SAMD12: variants seen among roughly 807,000 people sequenced by gnomAD.
SAMD12 encodes sterile alpha motif domain-containing protein 12.
Under a neutral mutation model 15.0 loss-of-function variants are expected in SAMD12, and 9 were observed. That is an observed-to-expected ratio of 0.60 (90% confidence interval 0.36 to 1.05). The LOEUF (loss-of-function observed/expected upper bound fraction) is 1.05. SAMD12 is among the 50% of genes least tolerant of loss of function. SAMD12 has a pLI of 0.01. For missense variants in SAMD12, 230 were observed against 234.2 expected (o/e 0.98, Z 0.12); for synonymous variants, 86 against 90.1 (o/e 0.96, Z 0.25).
intron 4 of SAMD12, among the ~76,000 whole-genome samples, chr8:118,305,611 G>C (rs1011893198): frequency 3.7e-4 from 57 of 152,222 alleles, no homozygotes; most frequent in African/African-American, 1.4e-3. Flanking sequence ...GTATCTGTTT[G>C]AGTCCCTGCT....
chr8:118,460,465 T>C (rs936418514), intron 2 of SAMD12, among the ~76,000 whole-genome samples: 3 of 152,054 alleles, frequency 2.0e-5, no homozygotes, highest in African/African-American at 7.2e-5. Flanking sequence ...GGAGTGAGTA[T>C]ACAGTAGAAT....
At chr8:118,597,897 A>T (rs958984971) in intron 1 of SAMD12, among the ~76,000 whole-genome samples, 1 of 152,216 alleles carries the variant, frequency 6.6e-6, no homozygotes, top group Non-Finnish European at 1.5e-5. Context: ...TGTAAGTCTT[A>T]AGAGCAGGGA....
intron 2 of SAMD12, among the ~76,000 whole-genome samples, chr8:118,546,457 G>A (rs1208627714): frequency 1.3e-5 from 2 of 152,054 alleles, no homozygotes; most frequent in Non-Finnish European, 2.9e-5. Context: ...ACCGGGAGGG[G>A]AGGCAAACTT....
chr8:118,228,259 A>T (rs1812227529), intron 4 of SAMD12, among the ~76,000 whole-genome samples: 1 of 152,234 alleles, frequency 6.6e-6, no homozygotes, highest in African/African-American at 2.4e-5. Context: ...AAGCAAATGC[A>T]ATGAAAACAA....
chr8:118,185,790 G>T (rs982647361), downstream of SAMD12, among the ~76,000 whole-genome samples: 2 of 152,198 alleles, frequency 1.3e-5, no homozygotes, highest in Non-Finnish European at 2.9e-5. Context: ...GGCTAACGGG[G>T]TTGAACATGT....
At chr8:118,553,845 A>T (rs1826430069) in intron 2 of SAMD12, among the ~76,000 whole-genome samples, 1 of 145,550 alleles carries the variant, frequency 6.9e-6, no homozygotes, top group African/African-American at 2.5e-5. Flanking sequence ...AGAAAAAAAC[A>T]AACAACCCCA....
chr8:118,163,015 A>C, the SAMD12 span, among the ~76,000 whole-genome samples: 2 of 152,198 alleles, frequency 1.3e-5, no homozygotes, highest in Non-Finnish European at 2.9e-5. Flanking sequence ...TTGAGGGGTT[A>C]AGTATTGCAT....
At chr8:118,539,779 G>A (rs1242048832) in intron 2 of SAMD12, among the ~76,000 whole-genome samples, 1 of 152,130 alleles carries the variant, frequency 6.6e-6, no homozygotes, top group African/African-American at 2.4e-5. Context: ...CCATCCATGG[G>A]TGGCCATGTG....
At chr8:118,598,533 G>C (rs931515185) in intron 1 of SAMD12, among the ~76,000 whole-genome samples, 1 of 152,202 alleles carries the variant, frequency 6.6e-6, no homozygotes, top group Non-Finnish European at 1.5e-5. Context: ...GTGATATTTT[G>C]TTATGGCAGC....
intron 4 of SAMD12, among the ~76,000 whole-genome samples, chr8:118,198,536 G>A (rs577103543): frequency 6.6e-6 from 1 of 152,146 alleles, no homozygotes; most frequent in African/African-American, 2.4e-5. Flanking sequence ...GACAATGGGA[G>A]AGAAGCACAG....
At chr8:118,261,143 G>A (rs568208349) in intron 4 of SAMD12, among the ~76,000 whole-genome samples, 1 of 152,054 alleles carries the variant, frequency 6.6e-6, no homozygotes, top group African/African-American at 2.4e-5. Context: ...TTTCATCAAA[G>A]GCTCCGATTT....
At chr8:118,384,032 TA>T (rs1819817914) in intron 3 of SAMD12, among the ~76,000 whole-genome samples, 1 of 152,034 alleles carries the variant, frequency 6.6e-6, no homozygotes, top group African/African-American at 2.4e-5. Flanking sequence ...GGACGCCTAT[TA>T]AAAAGATGAG....
chr8:118,197,611 A>G, exon 5 of SAMD12: 5 of 1,005,482 alleles, frequency 5.0e-6, no homozygotes, highest in Non-Finnish European at 8.0e-6. Flanking sequence ...TCCACGATCC[A>G]AGGATATCTT....
intron 2 of SAMD12, among the ~76,000 whole-genome samples, chr8:118,467,975 C>A (rs1457687966): frequency 1.3e-5 from 2 of 152,184 alleles, no homozygotes; most frequent in Non-Finnish European, 2.9e-5. Flanking sequence ...ATCATTTTAT[C>A]CATCCAATGG....
intron 4 of SAMD12, among the ~76,000 whole-genome samples, chr8:118,288,513 C>T (rs895585792): frequency 6.6e-6 from 1 of 152,168 alleles, no homozygotes; most frequent in Non-Finnish European, 1.5e-5. Context: ...GCAGCAATTT[C>T]AGATGTTTTG....
At chr8:118,141,207 C>T in the SAMD12 span, among the ~76,000 whole-genome samples, 5 of 152,274 alleles carry the variant, frequency 3.3e-5, no homozygotes, top group African/African-American at 7.2e-5. Context: ...TCAGCTTTTA[C>T]GAAAGTCTTC....
chr8:118,134,919 A>T, the SAMD12 span, among the ~76,000 whole-genome samples: 1 of 152,176 alleles, frequency 6.6e-6, no homozygotes, highest in East Asian at 1.9e-4. Flanking sequence ...TACTGTGCTC[A>T]TGAATCATGT....
At chr8:118,514,880 T>G (rs1825189481) in intron 2 of SAMD12, among the ~76,000 whole-genome samples, 1 of 152,244 alleles carries the variant, frequency 6.6e-6, no homozygotes, top group South Asian at 2.1e-4. Context: ...AAATCTCATG[T>G]CAAATTGTAA....
intron 4 of SAMD12, among the ~76,000 whole-genome samples, chr8:118,334,833 A>C (rs372304544): frequency 1.3e-5 from 2 of 152,158 alleles, no homozygotes; most frequent in Non-Finnish European, 2.9e-5. Flanking sequence ...GTCTCAAGCC[A>C]TCCTCCTGCC....
Sources: allele counts gnomAD v4.1 joint callset (sites outside exome capture counted in the v4.1 genomes callset), GRCh38; gene constraint gnomAD v4.1.1; transcripts MANE v1.5; gene names NCBI Gene and HGNC (gene_info 2026-07-23, HGNC 2026-07-21).